BRINP3: variants seen among roughly 807,000 people sequenced by gnomAD.
The protein encoded by BRINP3 is BMP/retinoic acid-inducible neural-specific protein 3.
Under a neutral mutation model 71.0 loss-of-function variants are expected in BRINP3, and 19 were observed. The observed-to-expected ratio is 0.27, with a 90% confidence interval of 0.19 to 0.39. BRINP3 has a LOEUF of 0.39. BRINP3 is among the 10% of genes least tolerant of loss of function. The probability of loss-of-function intolerance (pLI) is 1.00; values close to 1 mark genes in which losing one functional copy is unlikely to be tolerated. For missense variants in BRINP3, 959 were observed against 940.8 expected (o/e 1.02, Z -0.25); for synonymous variants, 380 against 337.7 (o/e 1.13, Z -1.37).
At chr1:190,184,082 GCAA>G (rs1441807744) in intron 6 of BRINP3, among the ~76,000 whole-genome samples, 1 of 152,000 alleles carries the variant, frequency 6.6e-6, no homozygotes, top group African/African-American at 2.4e-5. Context: ...TTTTAAAAAA[GCAA>G]CAACAAAGCT....
intron 2 of BRINP3, among the ~76,000 whole-genome samples, chr1:190,339,972 G>A (rs1008304565): frequency 6.6e-6 from 1 of 151,798 alleles, no homozygotes; most frequent in African/African-American, 2.4e-5. Context: ...TATTAGACAG[G>A]TGCCTTATGA....
At chr1:190,387,015 T>A (rs1670955073) in intron 2 of BRINP3, among the ~76,000 whole-genome samples, 1 of 151,966 alleles carries the variant, frequency 6.6e-6, no homozygotes, top group African/African-American at 2.4e-5. Context: ...TTAGTGTTAA[T>A]CAGTGTTATT....
chr1:190,353,349 A>G (rs1175932723), intron 2 of BRINP3, among the ~76,000 whole-genome samples: 4 of 152,030 alleles, frequency 2.6e-5, no homozygotes, highest in African/African-American at 9.6e-5. Flanking sequence ...ATTCCTCACT[A>G]ATGCCACTTT....
chr1:190,392,058 CAAA>C (rs11307676), intron 2 of BRINP3, among the ~76,000 whole-genome samples: 11 of 149,652 alleles, frequency 7.4e-5, no homozygotes, highest in East Asian at 2.0e-4. Flanking sequence ...TTAGCTTGGC[CAAA>C]AAAAAAAAAT....
At chr1:190,456,364 T>A (rs992830914) in intron 1 of BRINP3, among the ~76,000 whole-genome samples, 1 of 152,198 alleles carries the variant, frequency 6.6e-6, no homozygotes, top group Non-Finnish European at 1.5e-5. Flanking sequence ...ACTGAGGGGA[T>A]TAAAGCGTAC....
chr1:190,105,162 G>A (rs546934913), intron 7 of BRINP3, among the ~76,000 whole-genome samples: 7 of 152,058 alleles, frequency 4.6e-5, no homozygotes, highest in South Asian at 2.1e-4. Context: ...TTTTGGCAGC[G>A]TTGCCTAGGG....
At chr1:190,331,813 G>T (rs1666982985) in intron 2 of BRINP3, among the ~76,000 whole-genome samples, 2 of 152,012 alleles carry the variant, frequency 1.3e-5, no homozygotes, top group African/African-American at 4.8e-5. Context: ...ATTACTTGCA[G>T]CAGTGAGCCT....
intron 2 of BRINP3, among the ~76,000 whole-genome samples, chr1:190,309,346 G>A (rs1005625392): frequency 1.3e-5 from 2 of 151,696 alleles, no homozygotes; most frequent in African/African-American, 4.8e-5. Context: ...CACATTTGAA[G>A]GTGAACAGAT....
intron 2 of BRINP3, among the ~76,000 whole-genome samples, chr1:190,284,794 G>A (rs1310899852): frequency 1.3e-5 from 2 of 151,870 alleles, no homozygotes; most frequent in Non-Finnish European, 2.9e-5. Flanking sequence ...ACTCTTTGGG[G>A]ATATCACCAA....
chr1:190,286,341 AATTGCCAC>A (rs1359640181), intron 2 of BRINP3, among the ~76,000 whole-genome samples: 2 of 152,180 alleles, frequency 1.3e-5, no homozygotes, highest in Non-Finnish European at 2.9e-5. Context: ...CTGGTCACAT[AATTGCCAC>A]ATTGCCATTA....
intron 2 of BRINP3, among the ~76,000 whole-genome samples, chr1:190,309,072 G>A (rs1665331400): frequency 6.6e-6 from 1 of 151,828 alleles, no homozygotes. Context: ...TAATGAATAA[G>A]CAAAGTGTGG....
chr1:190,437,910 G>A (rs557909568), intron 2 of BRINP3, among the ~76,000 whole-genome samples: 1 of 151,502 alleles, frequency 6.6e-6, no homozygotes, highest in Non-Finnish European at 1.5e-5. Context: ...ACGGGATTTT[G>A]TTACAAATTT....
At chr1:190,219,269 G>T (rs1467853881) in intron 6 of BRINP3, among the ~76,000 whole-genome samples, 1 of 152,026 alleles carries the variant, frequency 6.6e-6, no homozygotes, top group Non-Finnish European at 1.5e-5. Context: ...AAAATTGAGT[G>T]ACTGACCCAA....
intron 7 of BRINP3, among the ~76,000 whole-genome samples, chr1:190,105,672 T>A (rs962155249): frequency 6.6e-6 from 1 of 152,084 alleles, no homozygotes; most frequent in Non-Finnish European, 1.5e-5. Context: ...CTTATCGTCA[T>A]GAACTGATGT....
chr1:190,317,673 C>T (rs1415199604), intron 2 of BRINP3, among the ~76,000 whole-genome samples: 2 of 151,990 alleles, frequency 1.3e-5, no homozygotes, highest in South Asian at 2.1e-4. Context: ...TATCATATTC[C>T]AAATAAGCAT....
chr1:190,461,243 G>A (rs1215166871), intron 1 of BRINP3, among the ~76,000 whole-genome samples: 1 of 152,052 alleles, frequency 6.6e-6, no homozygotes, highest in Non-Finnish European at 1.5e-5. Context: ...TTGTTTTTCA[G>A]CCATGACCAT....
intron 6 of BRINP3, among the ~76,000 whole-genome samples, chr1:190,198,708 C>A (rs1039630068): frequency 1.3e-5 from 2 of 152,144 alleles, no homozygotes; most frequent in Non-Finnish European, 2.9e-5. Flanking sequence ...TCATCTCCAT[C>A]TGAGACCACC....
chr1:190,424,749 TC>T (rs1030756185), intron 2 of BRINP3, among the ~76,000 whole-genome samples: 1 of 151,588 alleles, frequency 6.6e-6, no homozygotes, highest in Non-Finnish European at 1.5e-5. Context: ...ATAGAGAAGC[TC>T]TAAAAAATAC....
chr1:190,296,380 A>AT (rs1355466444), intron 2 of BRINP3, among the ~76,000 whole-genome samples: 3 of 152,060 alleles, frequency 2.0e-5, no homozygotes, highest in Non-Finnish European at 4.4e-5. Flanking sequence ...TTCTTTTATG[A>AT]TAAAAACTCT....
Sources: gnomAD v4.1 joint callset for allele counts (sites outside exome capture counted in the v4.1 genomes callset) on GRCh38, gnomAD v4.1.1 for gene constraint, MANE v1.5 for transcripts, NCBI Gene and HGNC (gene_info 2026-07-23, HGNC 2026-07-21) for gene names.